Variants in AADACL2 observed in about 807,000 individuals in gnomAD.
AADACL2 encodes arylacetamide deacetylase-like 2.
In AADACL2, 23 loss-of-function variants were observed where a neutral mutation model predicts 22.3. The observed-to-expected ratio is 1.03, with a 90% CI of 0.74 to 1.46. The LOEUF is 1.46. Ranked by LOEUF, AADACL2 falls within the 40% of genes most tolerant of loss-of-function variation. The pLI is 0.00. For synonymous variants in AADACL2, 177 were observed against 166.2 expected (o/e 1.07, Z -0.50); for missense variants, 472 against 482.9 (o/e 0.98, Z 0.21).
chr3:151,734,913 T>C (rs1713040107), intron 1 of AADACL2, among the ~76,000 whole-genome samples: 1 of 152,156 alleles, frequency 6.6e-6, no homozygotes, highest in Non-Finnish European at 1.5e-5. Flanking sequence ...AAACCCATAC[T>C]CTTTCTGCCA....
At position 151,758,463 on chromosome 3, in the gene AADACL2, A is replaced by G. The variant is rs1714033512; in HGVS notation, c.*869A>G. On this transcript the variant is annotated 3_prime_UTR_variant, in exon 5 of 5. Coordinates refer to ENST00000356517, the MANE Select transcript of AADACL2 (RefSeq NM_207365.4). ...GATTTCCCCACCCTTTTCTATATAA[A>G]GTAACCTTCAGAGATTAGGATGTAG... 1 of 152,130 alleles carries G rather than the reference A, an allele frequency of 6.6e-6. No homozygotes were observed. Among genetic ancestry groups the G allele is most frequent in the Non-Finnish European group, 1.5e-5 (1 of 67,996 alleles). The allele number at this position is 152,130 out of a possible 1,614,324, so 9.4% of individuals were successfully genotyped here.
intron 4 of AADACL2, among the ~76,000 whole-genome samples, chr3:151,756,395 T>C (rs1011168787): frequency 2.6e-5 from 4 of 152,086 alleles, no homozygotes; most frequent in African/African-American, 4.8e-5. Flanking sequence ...TACCTGTTGA[T>C]TGGCCTTTTT....
chr3:151,735,085 A>G (rs1024275488), intron 1 of AADACL2, among the ~76,000 whole-genome samples: 4 of 151,940 alleles, frequency 2.6e-5, no homozygotes, highest in African/African-American at 9.7e-5. Flanking sequence ...ACCACAGTCA[A>G]CTCCTTCTGA....
rs556047019 is a variant in AADACL2, at chr3:151,740,533, A to C, written c.139-113A>C. On this transcript the variant is annotated intron_variant, in intron 1 of 4. Coordinates refer to ENST00000356517, the MANE Select transcript of AADACL2 (RefSeq NM_207365.4). ...TGGAAATAATATTTTTAAATAGTCT[A>C]TTTCTTTTTGTTTACCTTGCTTATT... is the stretch of plus-strand genomic sequence containing the variant. 43 of 686,270 alleles carry C rather than the reference A, an allele frequency of 6.3e-5. No homozygotes were observed. The South Asian group carries it at 1.1e-3, about 17-fold the overall frequency. The allele number at this position is 686,270 out of a possible 1,614,324, so 42.5% of individuals were successfully genotyped here.
In AADACL2 at chr3:151,757,523, T is replaced by C; in HGVS notation, c.1135T>C (p.Ser379Pro). The C allele has an allele frequency of 6.2e-7, 1 of 1,613,522 alleles. No homozygotes were observed. The highest frequency in any genetic ancestry group is 1.1e-5 in the South Asian group (1 of 91,044). Reference protein sequence around the residue: ...GIHGALSFMTSPFYLRLGLRI... With the variant: ...GIHGALSFMTPPFYLRLGLRI... ...TCATGGAGCTTTATCATTCATGACTTCACCATTTTATTTACGTCTAGGTCT... is the reference window on the plus strand; with the variant it reads ...TCATGGAGCTTTATCATTCATGACTCCACCATTTTATTTACGTCTAGGTCT... Residue 379 changes from serine (S) to proline (P), a missense_variant, in exon 5 of 5, where the codon TCA becomes CCA. Physicochemically the swap from Ser to Pro is moderately conservative, Grantham distance 74 (BLOSUM62 -1). Coordinates refer to ENST00000356517, the MANE Select transcript of AADACL2 (RefSeq NM_207365.4).
At position 151,759,152 on chromosome 3, in the gene AADACL2, T is replaced by A. The variant is rs1267423549; in HGVS notation, c.*1558T>A. 6 of 152,158 alleles carry A rather than the reference T, an allele frequency of 3.9e-5. No homozygotes were observed. The highest frequency in any genetic ancestry group is 5.9e-5 in the Non-Finnish European group (4 of 67,996). 9.4% of individuals were successfully genotyped at this position (152,158 alleles called of 1,614,324 possible). A position where few individuals can be genotyped will look rare whatever the true frequency, so the allele number is the denominator to read the frequency against. ...ATCTAAATGGAGATTTGATACTATATGCTATACTACATACACTAAGAATAT... is the reference window on the plus strand; with the variant it reads ...ATCTAAATGGAGATTTGATACTATAAGCTATACTACATACACTAAGAATAT... On this transcript the variant is annotated 3_prime_UTR_variant, in exon 5 of 5. Coordinates refer to ENST00000356517, the MANE Select transcript of AADACL2 (RefSeq NM_207365.4).
intron 1 of AADACL2, among the ~76,000 whole-genome samples, chr3:151,735,587 A>G (rs931839371): frequency 6.6e-6 from 1 of 152,134 alleles, no homozygotes. Context: ...GGGAAACCCC[A>G]TCTCTACTAA....
chr3:151,740,778 G>A lies in AADACL2; in HGVS notation c.271G>A (p.Val91Ile). 1 of 1,613,978 alleles carries A rather than the reference G, an allele frequency of 6.2e-7. No homozygotes were observed. Among genetic ancestry groups the A allele is most frequent in the Non-Finnish European group, 8.5e-7 (1 of 1,179,926 alleles). The change falls in exon 2 of 5, where the codon GTA becomes ATA. Residue 91 changes from valine (V) to isoleucine (I), a missense_variant. By Grantham distance (29) the Val-to-Ile change is conservative (BLOSUM62 3). Around this residue, in one of 3 missense-constraint regions of AADACL2, gnomAD observed 356 missense variants for 365.5 expected, o/e 0.97. Transcript: ENST00000356517. The stretch of plus-strand genomic sequence containing the variant: ...TGATACAACATTTGTTGACATTCCA[G>A]TACGATTGTACTTGCCAAAAAGAAA... ...VTDTTFVDIP[V>I]RLYLPKRKSE...
Position 151,740,648 on chromosome 3 carries a change from T to C in AADACL2, c.141T>C (p.Ala47=), listed in dbSNP as rs770186785. The C allele has an allele frequency of 3.7e-5, 59 of 1,599,598 alleles. No homozygotes were observed. Among genetic ancestry groups the C allele is most frequent in the Non-Finnish European group, 4.6e-5 (54 of 1,169,598 alleles). The part of the protein sequence containing the change: ...DAIAKTCTFT[A]MCFENMRIMR... Reference sequence around the variant, plus strand: ...TTTTGTTTGTTTTGTTCTTACAGGCTATGTGTTTTGAAAATATGCGTATTA... The same window carrying C: ...TTTTGTTTGTTTTGTTCTTACAGGCCATGTGTTTTGAAAATATGCGTATTA... The change falls in exon 2 of 5, where the codon GCT becomes GCC. Residue 47 remains alanine (A), a splice_region_variant and synonymous_variant. Coordinates refer to ENST00000356517, the MANE Select transcript of AADACL2 (RefSeq NM_207365.4).
intron 3 of AADACL2, 48 bp downstream of exon 3, chr3:151,744,210 T>C: frequency 6.3e-7 from 1 of 1,579,596 alleles, no homozygotes; most frequent in Non-Finnish European, 8.7e-7. Flanking sequence ...CTTTACCATG[T>C]AGAGGTTTGA....
chr3:151,748,898 G>A (rs980839895), intron 4 of AADACL2, among the ~76,000 whole-genome samples: 4 of 152,064 alleles, frequency 2.6e-5, no homozygotes, highest in African/African-American at 9.7e-5. Flanking sequence ...TGTTCCATTG[G>A]TCTATATGTT....
chr3:151,757,451 C>A lies in AADACL2; in HGVS notation c.1063C>A (p.Arg355=), dbSNP rs201287466. 1.2e-6 allele frequency: 2 copies of A among 1,613,384 alleles called. No homozygotes were observed. The highest frequency in any genetic ancestry group is 1.3e-5 in the African/African-American group (1 of 74,848). ...DDGLMYVTRL[R]NVGVQVVHEH... is the part of the protein sequence containing the mutation. Reference sequence around the variant, plus strand: ...TGGACTTATGTATGTTACAAGACTTCGAAATGTTGGAGTCCAAGTTGTTCA... The same window carrying A: ...TGGACTTATGTATGTTACAAGACTTAGAAATGTTGGAGTCCAAGTTGTTCA... The change falls in exon 5 of 5, where the codon CGA becomes AGA. Residue 355 remains arginine (R), a synonymous_variant. Coordinates refer to ENST00000356517, the MANE Select transcript of AADACL2 (RefSeq NM_207365.4).
chr3:151,753,624 A>G (rs1483138238), intron 4 of AADACL2, among the ~76,000 whole-genome samples: 1 of 152,146 alleles, frequency 6.6e-6, no homozygotes, highest in Non-Finnish European at 1.5e-5. Flanking sequence ...CACAGTTTCT[A>G]TGAAGTTGAG....
chr3:151,751,749 G>A (rs1332012288), intron 4 of AADACL2, among the ~76,000 whole-genome samples: 3 of 152,018 alleles, frequency 2.0e-5, no homozygotes, highest in Admixed American at 6.6e-5. Flanking sequence ...ATACAGATTC[G>A]TGAATATGTG....
At chr3:151,744,218 T>G in intron 3 of AADACL2, 56 bp downstream of exon 3, 7 of 1,512,326 alleles carry the variant, frequency 4.6e-6, no homozygotes, top group Non-Finnish European at 6.4e-6. Flanking sequence ...TGTAGAGGTT[T>G]GATTTCCACA....
chr3:151,740,189 C>T (rs145061283), intron 1 of AADACL2, among the ~76,000 whole-genome samples: 5 of 152,258 alleles, frequency 3.3e-5, no homozygotes, highest in African/African-American at 9.6e-5. Context: ...CATGGAAAAG[C>T]GTAGTATATG....
At chr3:151,754,840 A>AT (rs1416471854) in intron 4 of AADACL2, among the ~76,000 whole-genome samples, 1 of 151,994 alleles carries the variant, frequency 6.6e-6, no homozygotes, top group East Asian at 1.9e-4. Flanking sequence ...TGAATGTCAC[A>AT]TTTTTTTGCA....
At chr3:151,739,666 A>T (rs139606121) in intron 1 of AADACL2, among the ~76,000 whole-genome samples, 1 of 152,144 alleles carries the variant, frequency 6.6e-6, no homozygotes, top group Non-Finnish European at 1.5e-5. Context: ...TTTTATCTGT[A>T]AGCCTCTGAC....
At chr3:151,745,801 T>C in intron 4 of AADACL2, 121 bp downstream of exon 4, 1 of 1,016,878 alleles carries the variant, frequency 9.8e-7, no homozygotes, top group East Asian at 2.6e-5. Context: ...TGAATTACAG[T>C]AGCACTTGAG....
Sources: gnomAD v4.1 joint callset for allele counts (sites outside exome capture counted in the v4.1 genomes callset) on GRCh38, gnomAD v4.1.1 for gene constraint, gnomAD v4.1.1 regional missense constraint, MANE v1.5 for transcripts, NCBI Gene and HGNC (gene_info 2026-07-23, HGNC 2026-07-21) for gene names.